Variants in FBLN5 observed in about 807,000 individuals in gnomAD.
FBLN5 encodes the protein fibulin 5.
FBLN5 carries 24 observed loss-of-function variants against 61.6 expected under a neutral mutation model. That is an observed-to-expected ratio of 0.39 (90% CI 0.28 to 0.55). FBLN5 has a LOEUF of 0.55. Ranked by LOEUF, FBLN5 falls within the 20% of genes least tolerant of loss-of-function variation. FBLN5 has a pLI of 0.65. For synonymous variants in FBLN5, 213 were observed against 219.8 expected (o/e 0.97, Z 0.27); for missense variants, 470 against 594.1 (o/e 0.79, Z 2.17).
intron 4 of FBLN5, among the ~76,000 whole-genome samples, chr14:91,922,177 C>G (rs1012082688): frequency 1.3e-5 from 2 of 151,954 alleles, no homozygotes; most frequent in African/African-American, 4.8e-5. Context: ...CCTGTAATCC[C>G]AGTTACTCAG....
In FBLN5 at chr14:91,882,878, A is replaced by T; in HGVS notation, c.862+76T>A. ...AAAGCTGCACATGATTCCCCAGGTG[A>T]GGATATCCAGATGAGCCCCTGAAGC... On this transcript the variant is annotated intron_variant, in intron 8 of 10. Coordinates refer to ENST00000342058, the MANE Select transcript of FBLN5 (RefSeq NM_006329.4). The surrounding 1 kb of genome is among the most constrained non-coding windows in gnomAD (Gnocchi z 4.9). 6.5e-7 allele frequency: 1 copy of T among 1,530,378 alleles called. No individual in the cohort carries two copies. Among genetic ancestry groups the T allele is most frequent in the Non-Finnish European group, 9.0e-7 (1 of 1,112,522 alleles). 94.8% of individuals were successfully genotyped at this position (1,530,378 alleles called of 1,614,324 possible).
At chr14:91,918,002 G>GC (rs954178677) in intron 4 of FBLN5, among the ~76,000 whole-genome samples, 8 of 152,092 alleles carry the variant, frequency 5.3e-5, no homozygotes, top group African/African-American at 1.4e-4. Flanking sequence ...TGAAGCCCCT[G>GC]CCCCCCAACC....
At chr14:91,877,958 C>A in intron 9 of FBLN5, 1 of 548,964 alleles carries the variant, frequency 1.8e-6, no homozygotes, top group Non-Finnish European at 3.5e-6. Context: ...AACATTAGAA[C>A]ATTCTCCAAG....
intron 1 of FBLN5, chr14:91,946,705 G>A: frequency 1.3e-6 from 2 of 1,533,712 alleles, no homozygotes; most frequent in Non-Finnish European, 1.7e-6. Flanking sequence ...CAAAACATTT[G>A]CTTACATGTA....
intron 4 of FBLN5, among the ~76,000 whole-genome samples, chr14:91,916,682 A>G (rs1334329305): frequency 6.6e-6 from 1 of 152,046 alleles, no homozygotes; most frequent in Non-Finnish European, 1.5e-5. Flanking sequence ...GGGTGTGTGT[A>G]TGACTGAGAT....
rs2140052757 is a variant in FBLN5 at position 91,940,586 on chromosome 14, G to A, written c.103C>T (p.Arg35Cys). 6.2e-7 allele frequency: 1 copy of A among 1,613,994 alleles called. No homozygotes were observed. Among genetic ancestry groups the A allele is most frequent in the Middle Eastern group, 1.6e-4 (1 of 6,062 alleles). ...AQCTNGFDLD[R>C]QSGQCLDIDE... ...ATACCTAAACACTGTCCTGACTGGC[G>A]ATCCAGGTCAAAGCCATTCGTGCAC... The change falls in exon 3 of 11, where the codon CGC becomes TGC. Residue 35 changes from arginine (R) to cysteine (C), a missense_variant. Transcript: ENST00000342058.
chr14:91,870,219 G>C lies in FBLN5; in HGVS notation c.*5C>G. 2 of 1,614,106 alleles carry C rather than the reference G, an allele frequency of 1.2e-6. No homozygotes were observed. Among genetic ancestry groups the C allele is most frequent in the Non-Finnish European group, 1.7e-6 (2 of 1,179,928 alleles). ...GAGGCAGCGTCGGAGGCTCCAGCCC[G>C]AGGCTCAGAATGGGTACTGCGACAC... On this transcript the variant is annotated 3_prime_UTR_variant, in exon 11 of 11. Coordinates refer to ENST00000342058, the MANE Select transcript of FBLN5 (RefSeq NM_006329.4).
chr14:91,941,406 A>G (rs2056102087), intron 2 of FBLN5, among the ~76,000 whole-genome samples: 1 of 152,184 alleles, frequency 6.6e-6, no homozygotes, highest in Non-Finnish European at 1.5e-5. Flanking sequence ...CTTAAAAAAA[A>G]AATGTGTTGG....
rs1413041829 is a variant in FBLN5 at position 91,943,896 on chromosome 14, GA to G, written c.18-936del. Among the ~76,000 whole-genome samples, 2 of 152,152 alleles carry G rather than the reference GA, an allele frequency of 1.3e-5. No individual in the cohort carries two copies. Among genetic ancestry groups the G allele is most frequent in the Non-Finnish European group, 2.9e-5 (2 of 68,024 alleles). On this transcript the variant is annotated intron_variant, in intron 1 of 10. Coordinates refer to ENST00000342058, the MANE Select transcript of FBLN5 (RefSeq NM_006329.4). The surrounding 1 kb of genome is among the most constrained non-coding windows in gnomAD (Gnocchi z 4.0). The stretch of plus-strand genomic sequence containing the variant: ...AGCCCAGGGAAAATGAAACCCGCGG[GA>G]AAACAGGAGGAGGAGTCACGCACCC...
chr14:91,872,135 C>T (rs1444618556), intron 10 of FBLN5, among the ~76,000 whole-genome samples: 1 of 152,160 alleles, frequency 6.6e-6, no homozygotes, highest in Non-Finnish European at 1.5e-5. Context: ...ATTACTTCCC[C>T]GTTTTATAAG....
chr14:91,921,855 A>G (rs1353889857), intron 4 of FBLN5, among the ~76,000 whole-genome samples: 1 of 152,168 alleles, frequency 6.6e-6, no homozygotes, highest in African/African-American at 2.4e-5. Flanking sequence ...TTTGGGGTAG[A>G]GAAAGGAGCT....
At chr14:91,946,835 T>G in intron 1 of FBLN5, 11 of 1,526,288 alleles carry the variant, frequency 7.2e-6, no homozygotes, top group Non-Finnish European at 9.6e-6. Context: ...TATCAGCCGA[T>G]GCGGCGCAGT....
Position 91,881,388 on chromosome 14 carries a change from G to C in FBLN5, c.893C>G (p.Thr298Arg), listed in dbSNP as rs771425892. The change falls in exon 9 of 11, where the codon ACG becomes AGG. Residue 298 changes from threonine to arginine, a missense_variant. Thr to Arg is a moderately conservative substitution (Grantham distance 71, BLOSUM62 -1). Coordinates refer to ENST00000342058, the MANE Select transcript of FBLN5 (RefSeq NM_006329.4). ...DINECEHRNH[T>R]CNLQQTCYNL... ...GTAGCACGTCTGCTGCAGGTTGCAC[G>C]TGTGGTTCCTGTGCTCACATTCGTT... The C allele has an allele frequency of 1.2e-6, 2 of 1,614,030 alleles. No individual in the cohort carries two copies. The highest frequency in any genetic ancestry group is 1.3e-5 in the African/African-American group (1 of 74,922).
rs182103050 is a variant in FBLN5 at position 91,895,242 on chromosome 14, C to T, written c.380-170G>A. The stretch of plus-strand genomic sequence containing the variant: ...ATGGGCACCTCTAGGAGACACTGAC[C>T]TCTACTGAAGGCTGAGCTAGTCTGC... On this transcript the variant is annotated intron_variant, in intron 4 of 10. Transcript: ENST00000342058. Among the ~76,000 whole-genome samples, 12 of 152,250 alleles carry T rather than the reference C, an allele frequency of 7.9e-5. 1 individual carries two copies. The East Asian group carries it at 2.3e-3, about 29-fold the overall frequency.
chr14:91,939,253 T>C (rs1218863113), intron 3 of FBLN5, among the ~76,000 whole-genome samples: 1 of 152,186 alleles, frequency 6.6e-6, no homozygotes, highest in Non-Finnish European at 1.5e-5. Context: ...CTGGTCCTTG[T>C]TAATGCTGTT....
intron 3 of FBLN5, 26 bp downstream of exon 3, chr14:91,940,539 A>G (rs1595349640): frequency 6.2e-7 from 1 of 1,604,924 alleles, no homozygotes; most frequent in East Asian, 2.2e-5. Flanking sequence ...CCTCCACCCC[A>G]ATGAAGGATC....
intron 4 of FBLN5, among the ~76,000 whole-genome samples, chr14:91,917,501 G>A (rs181255457): frequency 4.0e-5 from 6 of 150,214 alleles, no homozygotes; most frequent in East Asian, 2.0e-4. Flanking sequence ...GCTTAAATGC[G>A]GGAGGTAGAG....
intron 4 of FBLN5, among the ~76,000 whole-genome samples, chr14:91,900,271 A>T (rs1418671744): frequency 6.6e-6 from 1 of 152,240 alleles, no homozygotes; most frequent in Non-Finnish European, 1.5e-5. Context: ...TAACAGACTT[A>T]ATATATCACA....
At chr14:91,915,864 C>T (rs894852618) in intron 4 of FBLN5, among the ~76,000 whole-genome samples, 8 of 151,822 alleles carry the variant, frequency 5.3e-5, no homozygotes, top group Non-Finnish European at 1.5e-5. Flanking sequence ...TCTAACTTTC[C>T]AGAGAATAGA....
Sources: allele counts gnomAD v4.1 joint callset (sites outside exome capture counted in the v4.1 genomes callset), GRCh38; gene constraint gnomAD v4.1.1; non-coding constraint Gnocchi (gnomAD v3.1); transcripts MANE v1.5; gene names NCBI Gene and HGNC (gene_info 2026-07-23, HGNC 2026-07-21).